UIMC1: variants seen among roughly 807,000 people sequenced by gnomAD.
The protein encoded by UIMC1 is BRCA1-A complex subunit RAP80.
In UIMC1, 42 loss-of-function variants were observed where a neutral mutation model predicts 84.9. That is an observed-to-expected ratio of 0.49 (90% CI 0.39 to 0.64). The LOEUF (loss-of-function observed/expected upper bound fraction) is 0.64, where lower values mean the gene tolerates loss of function less well. UIMC1 is among the 30% of genes least tolerant of loss of function. The pLI is 0.00. For missense variants in UIMC1, 825 were observed against 847.6 expected (o/e 0.97, Z 0.33); for synonymous variants, 281 against 293.0 (o/e 0.96, Z 0.42).
In UIMC1 at chr5:176,970,768, T is replaced by C; in HGVS notation, c.331A>G (p.Arg111Gly). Residue 111 changes from arginine (R) to glycine (G), a missense_variant, in exon 4 of 15, where the codon AGG (arginine) becomes GGG (glycine). Transcript: ENST00000511320. ...SQEEEEEELL[R>G]KAIAESLNSC... ...TTCAGGCTTTCAGCAATGGCTTTCC[T>C]CAAGAGCTCCTCTTCTTCCTCCTCC... 6.2e-7 allele frequency: 1 copy of C among 1,614,134 alleles called. No individual in the cohort carries two copies. Among genetic ancestry groups the C allele is most frequent in the South Asian group, 1.1e-5 (1 of 91,080 alleles).
intron 3 of UIMC1, among the ~76,000 whole-genome samples, chr5:176,974,698 T>G (rs190452275): frequency 0.011 from 1,624 of 151,598 alleles, 10 homozygotes; most frequent in South Asian, 0.025. Flanking sequence ...TGTAGGCCCA[T>G]ATACTCAGGA....
At chr5:176,920,870 A>G (rs564829665) in intron 10 of UIMC1, among the ~76,000 whole-genome samples, 246 of 152,318 alleles carry the variant, frequency 1.6e-3, no homozygotes, top group African/African-American at 5.7e-3. Context: ...TTTTGGGGAA[A>G]GCTTTCAGTC....
intron 10 of UIMC1, among the ~76,000 whole-genome samples, chr5:176,916,530 C>G (rs557987230): frequency 2.6e-5 from 4 of 152,298 alleles, no homozygotes; most frequent in African/African-American, 9.6e-5. Context: ...TAGGCAAGTT[C>G]TGTAACCTGA....
At chr5:176,941,415 T>C (rs1764413453) in intron 10 of UIMC1, among the ~76,000 whole-genome samples, 1 of 152,226 alleles carries the variant, frequency 6.6e-6, no homozygotes, top group South Asian at 2.1e-4. Context: ...ATTCAATAAA[T>C]GTAAGCCATT....
rs1764750650 is a variant in UIMC1, at chr5:176,943,796, C to T, written c.1444-308G>A. 3.3e-5 allele frequency among the ~76,000 whole-genome samples: 5 copies of T among 152,332 alleles called. No homozygotes were observed. The South Asian group carries it at 1.0e-3, about 32-fold the overall frequency. On this transcript the variant is annotated intron_variant, in intron 9 of 14. Coordinates refer to ENST00000511320, the MANE Select transcript of UIMC1 (RefSeq NM_001199298.2). ...TATTAAACACTCTATATGTATTACTCATTTAATCTTACAAAGTTATTAGCA... is the reference window on the plus strand; with the variant it reads ...TATTAAACACTCTATATGTATTACTTATTTAATCTTACAAAGTTATTAGCA...
intron 10 of UIMC1, among the ~76,000 whole-genome samples, chr5:176,942,781 G>A (rs1337500190): frequency 2.7e-5 from 4 of 150,362 alleles, no homozygotes; most frequent in Non-Finnish European, 5.9e-5. Context: ...TGGGCCAGGT[G>A]CAGTGGGTCA....
At chr5:177,018,892 C>T (rs548198392) in intron 1 of UIMC1, among the ~76,000 whole-genome samples, 4 of 152,162 alleles carry the variant, frequency 2.6e-5, no homozygotes, top group African/African-American at 7.2e-5. Context: ...TTATATACTC[C>T]ACTCCCAGTA....
chr5:177,008,187 G>T (rs557883103), upstream of UIMC1, among the ~76,000 whole-genome samples: 1 of 151,846 alleles, frequency 6.6e-6, no homozygotes, highest in East Asian at 1.9e-4. Flanking sequence ...TGGAACTACA[G>T]GCACATTATT....
Position 176,914,729 on chromosome 5 carries a change from A to G in UIMC1, c.1598-3340T>C, listed in dbSNP as rs1195106510. On this transcript the variant is annotated intron_variant, in intron 10 of 14. Coordinates refer to ENST00000511320, the MANE Select transcript of UIMC1 (RefSeq NM_001199298.2). ...TATACTTTTCTGTAAATCAAATTAA[A>G]AACTAGAAGCGGGGAATCAGATTAT... Among the ~76,000 whole-genome samples the G allele has an allele frequency of 2.0e-5, 3 of 152,220 alleles. No individual in the cohort carries two copies. In the East Asian group the frequency reaches 5.8e-4, roughly 29 times the overall value.
chr5:177,005,091 GA>G (rs1167137746), intron 1 of UIMC1, among the ~76,000 whole-genome samples: 3 of 151,488 alleles, frequency 2.0e-5, no homozygotes, highest in Non-Finnish European at 4.4e-5. Context: ...AGGGTTTTAA[GA>G]GACAGGGTCT....
At chr5:176,923,337 A>G (rs1051417412) in intron 10 of UIMC1, among the ~76,000 whole-genome samples, 1 of 152,198 alleles carries the variant, frequency 6.6e-6, no homozygotes, top group Non-Finnish European at 1.5e-5. Context: ...CAGTAGGAAT[A>G]AGACTGAAAT....
rs72221323 is a variant in UIMC1 at position 176,960,628 on chromosome 5, C to CCTCCGTCTCCGTCTCCGT, written c.1201-2492_1201-2475dup. Among the ~76,000 whole-genome samples the CCTCCGTCTCCGTCTCCGT allele has an allele frequency of 1.5e-3, 48 of 31,298 alleles. 10 individuals carry two copies. Among genetic ancestry groups the CCTCCGTCTCCGTCTCCGT allele is most frequent in the African/African-American group, 0.014 (43 of 2,998 alleles). 20.5% of individuals were successfully genotyped at this position (31,298 alleles called of 152,430 possible). A position where few individuals can be genotyped will look rare whatever the true frequency, so the allele number is the denominator to read the frequency against. On this transcript the variant is annotated intron_variant, in intron 6 of 14. Coordinates refer to ENST00000511320, the MANE Select transcript of UIMC1 (RefSeq NM_001199298.2). Reference sequence around the variant, plus strand: ...CTCTCCCTCTCCCCCTCCCCCTCCCCCTCCGTCTCCGTCTCCGTCTCCGTC... The same window carrying CCTCCGTCTCCGTCTCCGT: ...CTCTCCCTCTCCCCCTCCCCCTCCCCCTCCGTCTCCGTCTCCGTCTCCGTCTCCGTCTCCGTCTCCGTC...
At chr5:176,972,597 G>A (rs1199942763) in intron 3 of UIMC1, among the ~76,000 whole-genome samples, 9 of 151,600 alleles carry the variant, frequency 5.9e-5, no homozygotes, top group East Asian at 3.9e-4. Context: ...TTAGCTGGGC[G>A]TGGTGGCAGG....
intron 10 of UIMC1, among the ~76,000 whole-genome samples, chr5:176,922,439 C>A (rs1761821491): frequency 6.6e-6 from 1 of 152,226 alleles, no homozygotes; most frequent in Non-Finnish European, 1.5e-5. Flanking sequence ...TGACCAGTCA[C>A]AAGGTTTGCT....
At chr5:176,935,647 A>G (rs762421062) in intron 10 of UIMC1, among the ~76,000 whole-genome samples, 4 of 152,230 alleles carry the variant, frequency 2.6e-5, no homozygotes, top group African/African-American at 7.2e-5. Flanking sequence ...CCACATTAAT[A>G]TAAGTGAGAA....
intron 10 of UIMC1, among the ~76,000 whole-genome samples, chr5:176,924,565 T>A (rs937291940): frequency 2.6e-5 from 4 of 152,028 alleles, no homozygotes; most frequent in African/African-American, 9.7e-5. Flanking sequence ...AAGTCTTTAA[T>A]GAACTGAGTT....
chr5:176,997,340 C>T (rs1773751619), intron 1 of UIMC1, among the ~76,000 whole-genome samples: 1 of 152,104 alleles, frequency 6.6e-6, no homozygotes, highest in Admixed American at 6.6e-5. Context: ...CCAATCTCTA[C>T]ACACCAAAGC....
rs541353262 is a variant in UIMC1, at chr5:176,976,981, G to A, written c.148-1501C>T. Among the ~76,000 whole-genome samples the A allele has an allele frequency of 5.3e-4, 80 of 152,124 alleles. No individual in the cohort carries two copies. In the South Asian group the frequency reaches 0.016, roughly 31 times the overall value. ...CTCACGCCTGTAATCCCAGCACTTT[G>A]GGAGGCCCAAGCAGGCGGATCACCT... On this transcript the variant is annotated intron_variant, in intron 2 of 14. Transcript: ENST00000511320.
chr5:176,990,013 T>C (rs1301505082), intron 1 of UIMC1, among the ~76,000 whole-genome samples: 2 of 151,942 alleles, frequency 1.3e-5, no homozygotes, highest in Non-Finnish European at 2.9e-5. Flanking sequence ...ACCCCGTCTC[T>C]ACTAAAAATA....
Sources: gnomAD v4.1 joint callset for allele counts (sites outside exome capture counted in the v4.1 genomes callset) on GRCh38, gnomAD v4.1.1 for gene constraint, MANE v1.5 for transcripts, NCBI Gene and HGNC (gene_info 2026-07-23, HGNC 2026-07-21) for gene names.